The following CDK14 variants were observed in gnomAD, a reference collection of about 807,000 sequenced individuals.
The protein encoded by CDK14 is cyclin-dependent kinase 14.
CDK14 carries 34 observed loss-of-function variants against 60.7 expected under a neutral mutation model. The ratio of observed to expected loss-of-function variants is 0.56; its 90% CI spans 0.43 to 0.75. The LOEUF (loss-of-function observed/expected upper bound fraction) is 0.75, where lower values mean the gene tolerates loss of function less well. Among genes scored for constraint, CDK14 ranks in the 30% least tolerant of loss-of-function variants. The probability of loss-of-function intolerance (pLI) is 0.00; values close to 1 mark genes in which losing one functional copy is unlikely to be tolerated. For missense variants in CDK14, 482 were observed against 564.1 expected (o/e 0.85, Z 1.47); for synonymous variants, 197 against 203.7 (o/e 0.97, Z 0.28).
intron 2 of CDK14, among the ~76,000 whole-genome samples, chr7:90,632,728 T>C (rs1373634900): frequency 2.0e-5 from 3 of 152,218 alleles, no homozygotes; most frequent in Non-Finnish European, 4.4e-5. Context: ...AATTAGTTTT[T>C]ATACTTTTTA....
At chr7:90,655,008 C>G (rs1469743271) in intron 2 of CDK14, among the ~76,000 whole-genome samples, 1 of 152,174 alleles carries the variant, frequency 6.6e-6, no homozygotes, top group African/African-American at 2.4e-5. Flanking sequence ...GCCCTGAGCT[C>G]CTGCCAACCA....
At chr7:90,803,133 T>C (rs1788704046) in intron 5 of CDK14, among the ~76,000 whole-genome samples, 1 of 151,178 alleles carries the variant, frequency 6.6e-6, no homozygotes, top group African/African-American at 2.4e-5. Flanking sequence ...GTATCTAAGA[T>C]GTCAGTATTT....
intron 14 of CDK14, among the ~76,000 whole-genome samples, chr7:91,150,662 T>C (rs1267591326): frequency 1.3e-5 from 2 of 152,216 alleles, no homozygotes; most frequent in Non-Finnish European, 2.9e-5. Flanking sequence ...ACAATGGTTC[T>C]GAAGAGAAAC....
chr7:91,158,921 T>C (rs1456445788), intron 14 of CDK14, among the ~76,000 whole-genome samples: 1 of 152,170 alleles, frequency 6.6e-6, no homozygotes, highest in Non-Finnish European at 1.5e-5. Context: ...AATAATGTGC[T>C]TTTACCAGAA....
At chr7:91,122,825 A>T (rs1799821281) in intron 14 of CDK14, among the ~76,000 whole-genome samples, 1 of 152,116 alleles carries the variant, frequency 6.6e-6, no homozygotes, top group Admixed American at 6.5e-5. Flanking sequence ...TGAAGCAGAG[A>T]GCAAAGCTGT....
chr7:90,744,369 T>A (rs1026177449), intron 3 of CDK14, among the ~76,000 whole-genome samples: 1 of 152,222 alleles, frequency 6.6e-6, no homozygotes, highest in Admixed American at 6.5e-5. Context: ...GAAGAATTTT[T>A]CTTAGTACAG....
At chr7:90,729,373 C>CTTTTTTTTTTA (rs1802773503) in intron 3 of CDK14, among the ~76,000 whole-genome samples, 1 of 7,532 alleles carries the variant, frequency 1.3e-4, no homozygotes. Flanking sequence ...TTTTTTTTTC[C>CTTTTTTTTTTA]CCACTCATCC....
intron 9 of CDK14, among the ~76,000 whole-genome samples, chr7:90,957,849 C>G (rs1584167706): frequency 6.6e-6 from 1 of 152,108 alleles, no homozygotes; most frequent in Middle Eastern, 3.4e-3. Context: ...TTGGAAAAAA[C>G]TACTTTAAAG....
intron 14 of CDK14, among the ~76,000 whole-genome samples, chr7:91,159,732 G>A (rs773485533): frequency 2.0e-5 from 3 of 152,252 alleles, no homozygotes; most frequent in South Asian, 2.1e-4. Flanking sequence ...CCAAGAGTCC[G>A]CCAGAAGTTA....
chr7:90,772,541 T>A (rs1804827434), intron 4 of CDK14, among the ~76,000 whole-genome samples: 1 of 152,164 alleles, frequency 6.6e-6, no homozygotes. Context: ...TGAGTGAGTC[T>A]CAGGAGATCT....
At chr7:90,604,187 TA>T in intron 1 of CDK14, 30 bp from the exon 2 acceptor site, 1 of 1,453,622 alleles carries the variant, frequency 6.9e-7, no homozygotes. Context: ...TTTTTCACAA[TA>T]ACTGTTTCCT....
intron 14 of CDK14, among the ~76,000 whole-genome samples, chr7:91,119,426 G>A (rs774884830): frequency 2.0e-5 from 3 of 152,260 alleles, no homozygotes; most frequent in Non-Finnish European, 4.4e-5. Context: ...TGAGGTTGCA[G>A]TGAGCTGAGA....
chr7:90,693,972 A>T (rs4728928), intron 2 of CDK14, among the ~76,000 whole-genome samples: 85,507 of 152,058 alleles, frequency 0.56, 24,303 homozygotes, highest in East Asian at 0.77. Context: ...GAATTAAGTC[A>T]TTTGGGTGAG....
chr7:90,919,787 C>T (rs1254675953), intron 8 of CDK14, among the ~76,000 whole-genome samples: 3 of 152,092 alleles, frequency 2.0e-5, no homozygotes, highest in Non-Finnish European at 4.4e-5. Context: ...TATTAATGAG[C>T]ATTTTAGCTC....
At chr7:91,001,793 C>A (rs1452381062) in intron 10 of CDK14, among the ~76,000 whole-genome samples, 1 of 152,206 alleles carries the variant, frequency 6.6e-6, no homozygotes, top group East Asian at 1.9e-4. Flanking sequence ...ATAACCGACA[C>A]ATAAACCTTT....
At chr7:90,723,677 A>G (rs997096850) in intron 2 of CDK14, among the ~76,000 whole-genome samples, 3 of 152,182 alleles carry the variant, frequency 2.0e-5, no homozygotes, top group African/African-American at 7.2e-5. Context: ...GAATACTTAG[A>G]AGTGGGTGTT....
At chr7:90,814,440 C>G (rs1364800273) in intron 5 of CDK14, among the ~76,000 whole-genome samples, 2 of 152,036 alleles carry the variant, frequency 1.3e-5, no homozygotes, top group African/African-American at 4.8e-5. Flanking sequence ...TCACAAAATA[C>G]TTGTTTAGCG....
At chr7:90,622,166 A>G (rs191247259) in intron 2 of CDK14, among the ~76,000 whole-genome samples, 3 of 152,352 alleles carry the variant, frequency 2.0e-5, no homozygotes, top group Admixed American at 6.5e-5. Context: ...GGTATTTACT[A>G]TTAATCCTGT....
At position 90,649,300 on chromosome 7, in the gene CDK14, C is replaced by CT. The variant is rs1361309324; in HGVS notation, c.123+45054dup. ...TCTTTCTTTCTTTCTTTCTTTCTTT[C>CT]TTTCTTTCTTTCCTTCCTTCCTTCC... is the stretch of plus-strand genomic sequence containing the variant. On this transcript the variant is annotated intron_variant, in intron 2 of 14. Transcript: ENST00000380050. Among the ~76,000 whole-genome samples, 72 of 70,624 alleles carry CT rather than the reference C, an allele frequency of 1.0e-3. 1 individual carries two copies. The highest frequency in any genetic ancestry group is 4.7e-3 in the African/African-American group (68 of 14,530). 46.3% of individuals were successfully genotyped at this position (70,624 alleles called of 152,430 possible).
Sources: allele counts gnomAD v4.1 joint callset (sites outside exome capture counted in the v4.1 genomes callset), GRCh38; gene constraint gnomAD v4.1.1; transcripts MANE v1.5; gene names NCBI Gene and HGNC (gene_info 2026-07-23, HGNC 2026-07-21).